Variants in TAF1 observed in about 807,000 individuals in gnomAD.
The protein encoded by TAF1 is transcription initiation factor TFIID subunit 1.
In TAF1, 2 loss-of-function variants were observed where a neutral mutation model predicts 138.5. That is an observed-to-expected ratio of 0.01 (90% CI 0.01 to 0.05). The LOEUF (loss-of-function observed/expected upper bound fraction) is 0.05, where lower values mean the gene tolerates loss of function less well. Among genes scored for constraint, TAF1 ranks in the 10% least tolerant of loss-of-function variants. The probability of loss-of-function intolerance (pLI) is 1.00; values close to 1 mark genes in which losing one functional copy is unlikely to be tolerated. For missense variants in TAF1, 709 were observed against 1,478.0 expected (o/e 0.48, Z 8.53); for synonymous variants, 437 against 503.2 (o/e 0.87, Z 1.76).
chrX:71,404,176 G>T (rs1189071979), intron 25 of TAF1, among the ~76,000 whole-genome samples: 1 of 110,130 alleles, frequency 9.1e-6, no homozygotes, highest in Non-Finnish European at 1.9e-5. Context: ...TTTTCACCAT[G>T]TTGGCCAGGC....
intron 32 of TAF1, among the ~76,000 whole-genome samples, chrX:71,432,743 ATAG>A (rs2036952675): frequency 8.9e-6 from 1 of 111,856 alleles, no homozygotes; most frequent in Admixed American, 9.5e-5. Context: ...TTGTGACTAT[ATAG>A]TCTCCAGTTT....
intron 32 of TAF1, among the ~76,000 whole-genome samples, chrX:71,429,638 A>G (rs1411972518): frequency 9.0e-6 from 1 of 111,505 alleles, no homozygotes; most frequent in Admixed American, 9.6e-5. Context: ...ACCTGAATGT[A>G]TCATTCTGAA....
At chrX:71,390,467 C>T (rs1397417706) in intron 18 of TAF1, among the ~76,000 whole-genome samples, 2 of 111,807 alleles carry the variant, frequency 1.8e-5, no homozygotes, top group Non-Finnish European at 3.8e-5. Flanking sequence ...TCATTCCACC[C>T]TGGATTTCGA....
chrX:71,379,148 T>A, intron 8 of TAF1, 117 bp downstream of exon 8: 1 of 764,972 alleles, frequency 1.3e-6, no homozygotes, highest in Non-Finnish European at 1.8e-6. Flanking sequence ...AGAGTTTCGC[T>A]CTTGTTGCCC....
At chrX:71,398,114 C>T (rs1469752211) in intron 23 of TAF1, among the ~76,000 whole-genome samples, 10 of 110,849 alleles carry the variant, frequency 9.0e-5, no homozygotes, top group Non-Finnish European at 1.5e-4. Context: ...CTGAGGCGGG[C>T]GGATCACGAG....
rs193167988 is a variant in TAF1, at chrX:71,417,375, G to C, written c.4385-3934G>C. On this transcript the variant is annotated intron_variant, in intron 28 of 37. Coordinates refer to ENST00000423759, the MANE Select transcript of TAF1 (RefSeq NM_004606.5). ...AAGAAATTTCTTGTTTTTTGTTTTTGAGACAGAGTCTCACTCTGTTGCCCA... is the reference window on the plus strand; with the variant it reads ...AAGAAATTTCTTGTTTTTTGTTTTTCAGACAGAGTCTCACTCTGTTGCCCA... 5.4e-5 allele frequency among the ~76,000 whole-genome samples: 6 copies of C among 110,466 alleles called. No individual in the cohort carries two copies. The East Asian group carries it at 1.7e-3, about 31-fold the overall frequency.
At chrX:71,472,663 G>A (rs1278193368) in intron 13 of TAF1, among the ~76,000 whole-genome samples, 1 of 111,686 alleles carries the variant, frequency 9.0e-6, no homozygotes, top group Non-Finnish European at 1.9e-5. Flanking sequence ...AACTTGGGAG[G>A]CAGAGGTTGC....
intron 15 of TAF1, among the ~76,000 whole-genome samples, 175 bp downstream of exon 15, chrX:71,387,636 T>C (rs1406700097): frequency 9.0e-6 from 1 of 111,414 alleles, no homozygotes; most frequent in Admixed American, 9.5e-5. Flanking sequence ...CTGTCTCTAC[T>C]AAAAATACAA....
At position 71,436,038 on chromosome X, in the gene TAF1, C is replaced by CTTT. The variant is rs780566468; in HGVS notation, c.4753+11825_4753+11827dup. 4.5e-4 allele frequency among the ~76,000 whole-genome samples: 35 copies of CTTT among 78,421 alleles called. 1 individual carries two copies. Among genetic ancestry groups the CTTT allele is most frequent in the African/African-American group, 7.0e-4 (13 of 18,546 alleles). 68.1% of individuals were successfully genotyped at this position (78,421 alleles called of 115,157 possible). ...TTCCTACTAATTGAAATGCTACCTC[C>CTTT]TTTTTTTTTTTTTTTTTTTTTTTTT... On this transcript the variant is annotated intron_variant, in intron 32 of 37. Coordinates refer to ENST00000423759, the MANE Select transcript of TAF1 (RefSeq NM_004606.5).
chrX:71,444,380 A>G (rs1463400473), intron 32 of TAF1, among the ~76,000 whole-genome samples: 1 of 111,283 alleles, frequency 9.0e-6, no homozygotes, highest in Non-Finnish European at 1.9e-5. Flanking sequence ...TATGATTTGC[A>G]GAGATTTTCT....
At chrX:71,405,270 T>C (rs1301518485) in intron 25 of TAF1, among the ~76,000 whole-genome samples, 3 of 111,490 alleles carry the variant, frequency 2.7e-5, no homozygotes, top group Admixed American at 9.5e-5. Context: ...TCCAAACATA[T>C]TTGAATCACT....
Position 71,427,537 on chromosome X carries a change from G to A in TAF1, c.4753+3299G>A, listed in dbSNP as rs760176418. On this transcript the variant is annotated intron_variant, in intron 32 of 37. Coordinates refer to ENST00000423759, the MANE Select transcript of TAF1 (RefSeq NM_004606.5). ...TATGTAAAACAGTAAGAAAAACCCAGAAGATACTAATAAAAAAGTAAGCAG... is the reference window on the plus strand; with the variant it reads ...TATGTAAAACAGTAAGAAAAACCCAAAAGATACTAATAAAAAAGTAAGCAG... 4.6e-4 allele frequency among the ~76,000 whole-genome samples: 52 copies of A among 112,169 alleles called. No individual in the cohort carries two copies. The Admixed American group carries it at 4.6e-3, about 10-fold the overall frequency.
At chrX:71,468,728 C>G (rs1248918434), downstream of TAF1, among the ~76,000 whole-genome samples, 1 of 107,464 alleles carries the variant, frequency 9.3e-6, no homozygotes, top group Non-Finnish European at 1.9e-5. Flanking sequence ...TCTGCTGGCT[C>G]ACACCTTTAA....
rs182633527 is a variant in TAF1 at position 71,448,686 on chromosome X, G to A, written c.4754-5484G>A. 5.9e-4 allele frequency among the ~76,000 whole-genome samples: 66 copies of A among 111,729 alleles called. 1 individual carries two copies. Among genetic ancestry groups the A allele is most frequent in the Middle Eastern group, 9.3e-3 (2 of 214 alleles). Reference sequence around the variant, plus strand: ...CTTGTAACTATTGAGAACATGGACTGTCTAAAACTGACACAAACAGCTAAT... The same window carrying A: ...CTTGTAACTATTGAGAACATGGACTATCTAAAACTGACACAAACAGCTAAT... On this transcript the variant is annotated intron_variant, in intron 32 of 37. Transcript: ENST00000423759.
chrX:71,520,168 G>T (rs1343985872), intron 13 of TAF1, among the ~76,000 whole-genome samples: 1 of 104,507 alleles, frequency 9.6e-6, no homozygotes, highest in Non-Finnish European at 1.9e-5. Flanking sequence ...TATTGAGATG[G>T]AGTCTCGCTC....
At chrX:71,408,207 A>G (rs895902418) in intron 28 of TAF1, 56 bp downstream of exon 28, 2 of 1,169,949 alleles carry the variant, frequency 1.7e-6, no homozygotes, top group Admixed American at 2.3e-5. Context: ...CTTATTCCTT[A>G]CTGGCCCTAA....
At chrX:71,377,977 G>A in intron 6 of TAF1, 156 bp downstream of exon 6, 2 of 742,562 alleles carry the variant, frequency 2.7e-6, no homozygotes, top group Non-Finnish European at 3.8e-6. Context: ...CTCAGTGGCT[G>A]CCCCTTCCCT....
chrX:71,478,896 A>G (rs1179283077), intron 13 of TAF1, among the ~76,000 whole-genome samples: 1 of 112,062 alleles, frequency 8.9e-6, no homozygotes, highest in Non-Finnish European at 1.9e-5. Flanking sequence ...TGGCCTCCCA[A>G]AGTGCTGGGA....
intron 13 of TAF1, among the ~76,000 whole-genome samples, chrX:71,477,594 C>T (rs2039001143): frequency 8.9e-6 from 1 of 112,107 alleles, no homozygotes; most frequent in Non-Finnish European, 1.9e-5. Context: ...ACTGTGCCCA[C>T]TAAGAATATT....
Sources: allele counts gnomAD v4.1 joint callset (sites outside exome capture counted in the v4.1 genomes callset), GRCh38; gene constraint gnomAD v4.1.1; transcripts MANE v1.5; gene names NCBI Gene and HGNC (gene_info 2026-07-23, HGNC 2026-07-21).